PPM1H: variants seen among roughly 807,000 people sequenced by gnomAD.
PPM1H encodes protein phosphatase, Mg2+/Mn2+ dependent 1H.
PPM1H carries 27 observed loss-of-function variants against 54.9 expected under a neutral mutation model. That is an observed-to-expected ratio of 0.49 (90% CI 0.36 to 0.68). The LOEUF is 0.68. Among genes scored for constraint, PPM1H ranks in the 30% least tolerant of loss-of-function variants. The pLI is 0.00. For missense variants in PPM1H, 596 were observed against 667.8 expected, an observed-to-expected ratio of 0.89 and a Z score of 1.19; for synonymous variants, 305 against 270.8, an observed-to-expected ratio of 1.13 and a Z score of -1.24.
chr12:62,690,077 G>T (rs968202171), intron 7 of PPM1H, among the ~76,000 whole-genome samples: 1 of 151,966 alleles, frequency 6.6e-6, no homozygotes, highest in East Asian at 1.9e-4. Context: ...TTTTTTTGGA[G>T]ACTGGAAGGA....
intron 1 of PPM1H, among the ~76,000 whole-genome samples, chr12:62,901,248 AC>A (rs1383304693): frequency 6.6e-6 from 1 of 152,190 alleles, no homozygotes; most frequent in African/African-American, 2.4e-5. Flanking sequence ...CTTTTTCAAA[AC>A]CCTTGGGAGG....
chr12:62,832,064 G>A (rs761001312), intron 2 of PPM1H, 50 bp downstream of exon 2: 1 of 1,584,910 alleles, frequency 6.3e-7, no homozygotes, highest in South Asian at 1.1e-5. Flanking sequence ...TGGGACCAAA[G>A]TGTGTGCCAT....
intron 5 of PPM1H, among the ~76,000 whole-genome samples, chr12:62,727,260 C>T (rs781249049): frequency 1.8e-4 from 27 of 152,030 alleles, no homozygotes; most frequent in Admixed American, 4.6e-4. Context: ...GCATAGCACC[C>T]AACATAGTAA....
intron 9 of PPM1H, among the ~76,000 whole-genome samples, chr12:62,654,667 A>ATTCT (rs1214850409): frequency 2.2e-4 from 34 of 152,248 alleles, no homozygotes; most frequent in African/African-American, 8.2e-4. Flanking sequence ...CCTGGGCTGA[A>ATTCT]TTCTTTCCTC....
At chr12:62,698,973 T>C (rs1190783682) in intron 6 of PPM1H, among the ~76,000 whole-genome samples, 1 of 152,214 alleles carries the variant, frequency 6.6e-6, no homozygotes, top group Non-Finnish European at 1.5e-5. Context: ...GTCTATGCTA[T>C]ATCATGTTAA....
intron 3 of PPM1H, among the ~76,000 whole-genome samples, chr12:62,799,899 T>A (rs998198450): frequency 2.0e-5 from 3 of 152,158 alleles, no homozygotes; most frequent in African/African-American, 7.2e-5. Context: ...GGTCACCACA[T>A]TGACACTGAA....
At chr12:62,821,531 G>A (rs11174677) in intron 2 of PPM1H, among the ~76,000 whole-genome samples, 10,750 of 152,224 alleles carry the variant, frequency 0.071, 506 homozygotes, top group Middle Eastern at 0.13. Context: ...GAGAAAGGTC[G>A]GGTTACCTGC....
chr12:62,763,302 C>G (rs1316393496), intron 4 of PPM1H, among the ~76,000 whole-genome samples: 1 of 152,194 alleles, frequency 6.6e-6, no homozygotes, highest in South Asian at 2.1e-4. Context: ...CTCCAAGCCT[C>G]GGCTCCCTCC....
chr12:62,714,751 G>GA (rs781738689), intron 6 of PPM1H, among the ~76,000 whole-genome samples: 90 of 152,296 alleles, frequency 5.9e-4, no homozygotes, highest in Admixed American at 1.1e-3. Flanking sequence ...GCCTGCCCCT[G>GA]AAATGAGACC....
rs114970080 is a variant in PPM1H at position 62,780,050 on chromosome 12, G to A, written c.869+8176C>T. Among the ~76,000 whole-genome samples the A allele has an allele frequency of 3.9e-3, 596 of 152,246 alleles. 4 individuals carry two copies. Among genetic ancestry groups the A allele is most frequent in the African/African-American group, 0.014 (581 of 41,548 alleles). ...ACTTCCCCAAATGGGTTGATGTTAG[G>A]ATTAATGAGGTTATTTATGTAAAAT... On this transcript the variant is annotated intron_variant, in intron 4 of 9. Transcript: ENST00000228705.
Position 62,689,734 on chromosome 12 carries a change from T to C in PPM1H, c.1210A>G (p.Ile404Val), listed in dbSNP as rs201286163. 6.6e-4 allele frequency: 1,058 copies of C among 1,613,730 alleles called. 4 individuals carry two copies. The highest frequency in any genetic ancestry group is 3.1e-3 in the Middle Eastern group (19 of 6,084). ...GAAGACAGGAATGGTTTAATGTAGA[T>C]GTTGGAGTCATGCACCTTCAGGTCA... is the stretch of plus-strand genomic sequence containing the variant. ...DHDLKVHDSNIYIKPFLSSAP... is the reference protein window; with the variant it reads ...DHDLKVHDSNVYIKPFLSSAP... The change falls in exon 8 of 10, where the codon ATC (isoleucine) becomes GTC (valine). Residue 404 changes from isoleucine to valine, a missense_variant. Transcript: ENST00000228705.
At chr12:62,714,701 C>T (rs552312776) in intron 6 of PPM1H, among the ~76,000 whole-genome samples, 154 of 152,342 alleles carry the variant, frequency 1.0e-3, no homozygotes, top group African/African-American at 3.5e-3. Context: ...ACAGGACTCT[C>T]TTTACCAAGT....
intron 4 of PPM1H, among the ~76,000 whole-genome samples, chr12:62,773,496 A>T (rs1244463277): frequency 3.3e-5 from 5 of 152,050 alleles, no homozygotes; most frequent in East Asian, 1.9e-4. Flanking sequence ...TTTAATAAAA[A>T]TTTTTTTGAA....
chr12:62,894,174 G>A (rs1186059693), intron 1 of PPM1H, among the ~76,000 whole-genome samples: 1 of 152,116 alleles, frequency 6.6e-6, no homozygotes, highest in African/African-American at 2.4e-5. Context: ...CAAATAAATG[G>A]TTGTGTTTAA....
intron 4 of PPM1H, among the ~76,000 whole-genome samples, chr12:62,784,803 A>G (rs2076661019): frequency 6.6e-6 from 1 of 152,260 alleles, no homozygotes; most frequent in African/African-American, 2.4e-5. Flanking sequence ...ACAATCCTAG[A>G]AGATGATATC....
At chr12:62,838,554 C>T (rs931911850) in intron 1 of PPM1H, among the ~76,000 whole-genome samples, 3 of 152,104 alleles carry the variant, frequency 2.0e-5, no homozygotes, top group African/African-American at 7.2e-5. Flanking sequence ...ACAGCTCTGA[C>T]CAGGAACCTA....
intron 1 of PPM1H, among the ~76,000 whole-genome samples, chr12:62,867,564 A>ACTTTTTTTTTTTTTT (rs1869822125): frequency 1.8e-5 from 1 of 55,340 alleles, no homozygotes. Context: ...TATGAGCACT[A>ACTTTTTTTTTTTTTT]TTTTTTTTTT....
intron 1 of PPM1H, among the ~76,000 whole-genome samples, chr12:62,903,560 A>G (rs1430438747): frequency 6.6e-6 from 1 of 152,234 alleles, no homozygotes; most frequent in Non-Finnish European, 1.5e-5. Context: ...ACCACTGAGC[A>G]CAAGAACTCT....
rs533176571 is a variant in PPM1H, at chr12:62,802,854, G to A, written c.412-694C>T. On this transcript the variant is annotated intron_variant, in intron 2 of 9. Transcript: ENST00000228705. Reference sequence around the variant, plus strand: ...CCACCTTGGCCTCCTAAAGTGCTGAGATTATCCCAAAGGGCTGGGATTACA... The same window carrying A: ...CCACCTTGGCCTCCTAAAGTGCTGAAATTATCCCAAAGGGCTGGGATTACA... 3.3e-5 allele frequency among the ~76,000 whole-genome samples: 5 copies of A among 152,264 alleles called. No homozygotes were observed. In the South Asian group the frequency reaches 6.2e-4, roughly 19 times the overall value.
Sources: allele counts gnomAD v4.1 joint callset (sites outside exome capture counted in the v4.1 genomes callset), GRCh38; gene constraint gnomAD v4.1.1; transcripts MANE v1.5; gene names NCBI Gene and HGNC (gene_info 2026-07-23, HGNC 2026-07-21).